NDRG3: variants seen among roughly 807,000 people sequenced by gnomAD.
NDRG3 encodes protein NDRG3.
NDRG3 carries 23 observed loss-of-function variants against 57.2 expected under a neutral mutation model. The ratio of observed to expected loss-of-function variants is 0.40; its 90% CI spans 0.29 to 0.57. The LOEUF (loss-of-function observed/expected upper bound fraction) is 0.57. NDRG3 is among the 20% of genes least tolerant of loss of function. The pLI, the probability that NDRG3 is intolerant of heterozygous loss-of-function variation, is 0.42. For missense variants in NDRG3, 384 were observed against 457.3 expected (o/e 0.84, Z 1.46); for synonymous variants, 132 against 162.6 (o/e 0.81, Z 1.43).
At position 36,742,816 on chromosome 20, in the gene NDRG3, T is replaced by C. The variant is rs1418857357; in HGVS notation, c.-49+3229A>G. Reference sequence around the variant, plus strand: ...GAATCTTCCACCATATCAGGCGCCATACATCCATGCCTTACCCATAGTCAA... The same window carrying C: ...GAATCTTCCACCATATCAGGCGCCACACATCCATGCCTTACCCATAGTCAA... On this transcript the variant is annotated intron_variant, in intron 1 of 15. Coordinates refer to ENST00000349004, the MANE Select transcript of NDRG3 (RefSeq NM_032013.4). Among the ~76,000 whole-genome samples the C allele has an allele frequency of 2.0e-5, 3 of 152,192 alleles. No individual in the cohort carries two copies. In the East Asian group the frequency reaches 5.8e-4, roughly 29 times the overall value.
chr20:36,664,178 G>A (rs771470307), intron 12 of NDRG3, among the ~76,000 whole-genome samples: 2 of 152,138 alleles, frequency 1.3e-5, no homozygotes, highest in Non-Finnish European at 2.9e-5. Flanking sequence ...TAAACCTACA[G>A]ACATACTGAT....
At chr20:36,695,092 T>C (rs1982662328) in intron 3 of NDRG3, among the ~76,000 whole-genome samples, 1 of 152,266 alleles carries the variant, frequency 6.6e-6, no homozygotes, top group Admixed American at 6.5e-5. Flanking sequence ...CAATTTCTTA[T>C]GCCAGTCTTT....
Position 36,693,072 on chromosome 20 carries a change from C to CA in NDRG3, c.94-4289dup, listed in dbSNP as rs1166724972. Among the ~76,000 whole-genome samples, 2 of 4,532 alleles carry CA rather than the reference C, an allele frequency of 4.4e-4. 1 individual carries two copies. The highest frequency in any genetic ancestry group is 1.5e-3 in the African/African-American group (2 of 1,304). The allele number at this position is 4,532 out of a possible 152,430, so 3.0% of individuals were successfully genotyped here. ...CCGGGGTGACAGCAAGACCCTGTCT[C>CA]AAAAAAAAAAAAAAAAAAAAAAAAA... On this transcript the variant is annotated intron_variant, in intron 3 of 15. Transcript: ENST00000349004.
In NDRG3 at chr20:36,688,736, C is replaced by T; in HGVS notation, c.142G>A (p.Gly48Ser). ...ACTGGTCTGTTTCCTTTGGGTAAGC[C>T]TCTTATAGTGACGTGGACCACACCA... ...THGVVHVTIR[G>S]LPKGNRPVIL... Residue 48 changes from glycine to serine, a missense_variant, in exon 4 of 16, where the codon GGC (glycine) becomes AGC (serine). Coordinates refer to ENST00000349004, the MANE Select transcript of NDRG3 (RefSeq NM_032013.4). 6.2e-7 allele frequency: 1 copy of T among 1,614,018 alleles called. No individual in the cohort carries two copies. The highest frequency in any genetic ancestry group is 8.5e-7 in the Non-Finnish European group (1 of 1,179,920).
At chr20:36,666,478 G>A (rs1979645507) in intron 9 of NDRG3, 86 bp from the exon 10 acceptor site, 2 of 940,010 alleles carry the variant, frequency 2.1e-6, no homozygotes, top group Non-Finnish European at 3.5e-6. Flanking sequence ...ATTACCACAA[G>A]CCAAATCGTG....
chr20:36,716,363 T>TGG, intron 2 of NDRG3, among the ~76,000 whole-genome samples: 2 of 151,770 alleles, frequency 1.3e-5, no homozygotes, highest in Non-Finnish European at 2.9e-5. Context: ...CAAAACCCCA[T>TGG]CTCTACTAAA....
chr20:36,681,034 G>A, intron 7 of NDRG3, 132 bp from the exon 8 acceptor site: 1 of 665,172 alleles, frequency 1.5e-6, no homozygotes, highest in East Asian at 2.9e-5. Flanking sequence ...CTACAAAGAG[G>A]GAGAACATGT....
intron 6 of NDRG3, among the ~76,000 whole-genome samples, chr20:36,682,861 A>G (rs191855578): frequency 1.3e-5 from 2 of 151,136 alleles, no homozygotes; most frequent in East Asian, 3.9e-4. Flanking sequence ...AGGTCAGCAG[A>G]TCAAGACCAT....
chr20:36,684,309 G>A (rs1273487047), intron 6 of NDRG3, 104 bp downstream of exon 6: 4 of 901,068 alleles, frequency 4.4e-6, no homozygotes, highest in African/African-American at 1.6e-5. Context: ...TAGGAGGACA[G>A]TGATAATATT....
At chr20:36,697,572 G>A (rs1398286037) in intron 3 of NDRG3, among the ~76,000 whole-genome samples, 1 of 152,154 alleles carries the variant, frequency 6.6e-6, no homozygotes, top group Non-Finnish European at 1.5e-5. Context: ...GCCAGGCGTG[G>A]TGGCGGGTGC....
chr20:36,735,544 CA>C (rs1568674412), intron 1 of NDRG3, among the ~76,000 whole-genome samples: 2 of 152,052 alleles, frequency 1.3e-5, no homozygotes, highest in Non-Finnish European at 2.9e-5. Flanking sequence ...TAATGAAGCT[CA>C]AAACCAATGC....
chr20:36,701,426 T>C (rs1983214886), intron 3 of NDRG3, among the ~76,000 whole-genome samples: 1 of 151,848 alleles, frequency 6.6e-6, no homozygotes, highest in South Asian at 2.1e-4. Flanking sequence ...GTGCCTGTAG[T>C]CCCAGCTACT....
intron 1 of NDRG3, among the ~76,000 whole-genome samples, chr20:36,741,879 G>T (rs1040704669): frequency 1.3e-5 from 2 of 152,150 alleles, no homozygotes; most frequent in South Asian, 4.1e-4. Flanking sequence ...AAGCTCTCAA[G>T]GTAATGCTGG....
At chr20:36,743,093 T>C (rs982436826) in intron 1 of NDRG3, among the ~76,000 whole-genome samples, 2 of 152,214 alleles carry the variant, frequency 1.3e-5, no homozygotes, top group Admixed American at 1.3e-4. Context: ...AGCCTCAGAC[T>C]ATCCTACTGC....
intron 3 of NDRG3, among the ~76,000 whole-genome samples, chr20:36,690,503 G>C (rs868457502): frequency 9.0e-4 from 104 of 115,714 alleles, no homozygotes; most frequent in South Asian, 1.9e-3. Context: ...GCAGACAAAA[G>C]ATGCACCGAG....
chr20:36,686,299 T>C (rs756022833), intron 5 of NDRG3, among the ~76,000 whole-genome samples: 1 of 152,268 alleles, frequency 6.6e-6, no homozygotes, highest in Non-Finnish European at 1.5e-5. Context: ...TTATTTGTTA[T>C]GTAATGTTAG....
rs1306374079 is a variant in NDRG3 at position 36,665,159 on chromosome 20, A to C, written c.759-62T>G. The C allele has an allele frequency of 9.9e-6, 16 of 1,608,846 alleles. No homozygotes were observed. The Admixed American group carries it at 2.7e-4, about 27-fold the overall frequency. ...AGGCACATAAATTCCACTGAACACC[A>C]AATTAGTCTATGAAAGTCTATGAAC... is the stretch of plus-strand genomic sequence containing the variant. On this transcript the variant is annotated intron_variant, in intron 11 of 15. Transcript: ENST00000349004.
At chr20:36,710,643 C>T (rs1316928415) in intron 2 of NDRG3, among the ~76,000 whole-genome samples, 1 of 151,896 alleles carries the variant, frequency 6.6e-6, no homozygotes, top group African/African-American at 2.4e-5. Flanking sequence ...ACTGTCTCTA[C>T]TAAAAATACA....
Position 36,664,993 on chromosome 20 carries a change from C to G in NDRG3, c.810+53G>C, listed in dbSNP as rs375391352. The G allele has an allele frequency of 3.8e-6, 6 of 1,565,958 alleles. No homozygotes were observed. In the Middle Eastern group the frequency reaches 5.0e-4, roughly 131 times the overall value. On this transcript the variant is annotated intron_variant, in intron 12 of 15. Transcript: ENST00000349004. ...CGTGAGCCACTGCACCTGGCCTACA[C>G]ATTTTATTACATTTTGATCTCATTC...
Sources: gnomAD v4.1 joint callset for allele counts (sites outside exome capture counted in the v4.1 genomes callset) on GRCh38, gnomAD v4.1.1 for gene constraint, MANE v1.5 for transcripts, NCBI Gene and HGNC (gene_info 2026-07-23, HGNC 2026-07-21) for gene names.